Variants in EPHA4 observed in about 807,000 individuals in gnomAD.
EPHA4 encodes ephrin type-A receptor 4.
A neutral mutation model predicts 108.3 loss-of-function variants in EPHA4; 19 were observed. That is an observed-to-expected ratio of 0.18 (90% CI 0.12 to 0.26). EPHA4 has a LOEUF of 0.26. Among genes scored for constraint, EPHA4 ranks in the 10% least tolerant of loss-of-function variants. The probability of loss-of-function intolerance (pLI) is 1.00; values close to 1 mark genes in which losing one functional copy is unlikely to be tolerated. For synonymous variants in EPHA4, 449 were observed against 455.5 expected, an observed-to-expected ratio of 0.99 and a Z score of 0.18; for missense variants, 917 against 1,254.0, an observed-to-expected ratio of 0.73 and a Z score of 4.06.
intron 3 of EPHA4, among the ~76,000 whole-genome samples, chr2:221,558,769 A>G (rs1465610198): frequency 1.3e-5 from 2 of 152,194 alleles, no homozygotes; most frequent in African/African-American, 4.8e-5. Context: ...AAAAAAGTAT[A>G]TCAGAAAAAG....
chr2:221,557,900 A>T (rs2106204054), intron 3 of EPHA4, among the ~76,000 whole-genome samples: 1 of 152,364 alleles, frequency 6.6e-6, no homozygotes, highest in East Asian at 1.9e-4. Flanking sequence ...TAAAGGCAGA[A>T]AAATAGCAAA....
At chr2:221,454,743 A>G (rs1690890737) in intron 8 of EPHA4, among the ~76,000 whole-genome samples, 1 of 152,220 alleles carries the variant, frequency 6.6e-6, no homozygotes, top group South Asian at 2.1e-4. Context: ...AGACAAAAAC[A>G]GTAAGAAAAA....
chr2:221,553,252 A>C (rs889959394), intron 3 of EPHA4, among the ~76,000 whole-genome samples: 4 of 152,232 alleles, frequency 2.6e-5, no homozygotes, highest in Non-Finnish European at 2.9e-5. Flanking sequence ...TTTTCAGCTC[A>C]GGTATTTCTG....
Position 221,456,624 on chromosome 2 carries a change from G to A in EPHA4, c.1592C>T (p.Thr531Ile). Residue 531 changes from threonine to isoleucine, a missense_variant, in exon 7 of 18, where the codon ACA becomes ATA. Thr to Ile is a moderately conservative substitution (Grantham distance 89). Around this residue, in one of 3 missense-constraint regions of EPHA4, gnomAD observed 758 missense variants for 1,076.7 expected, o/e 0.70. Transcript: ENST00000281821. ...YGDFSEPLEV[T>I]TNTVPSRIIG... Reference sequence around the variant, plus strand: ...GTGGTCCTTGTTACCTGTGTTGGTTGTAACCTCCAAGGGCTCACTGAAGTC... The same window carrying A: ...GTGGTCCTTGTTACCTGTGTTGGTTATAACCTCCAAGGGCTCACTGAAGTC... 1 of 1,613,764 alleles carries A rather than the reference G, an allele frequency of 6.2e-7. No individual in the cohort carries two copies. The highest frequency in any genetic ancestry group is 8.5e-7 in the Non-Finnish European group (1 of 1,179,762).
chr2:221,475,663 A>G (rs1342300022), intron 5 of EPHA4, among the ~76,000 whole-genome samples: 1 of 152,186 alleles, frequency 6.6e-6, no homozygotes, highest in Non-Finnish European at 1.5e-5. Context: ...TCACGTGAAA[A>G]CACTCTTACA....
intron 5 of EPHA4, among the ~76,000 whole-genome samples, chr2:221,481,950 A>T (rs1196954669): frequency 6.6e-6 from 1 of 152,200 alleles, no homozygotes; most frequent in Non-Finnish European, 1.5e-5. Context: ...ACTGAGATGA[A>T]TCCCATCCAG....
intron 8 of EPHA4, among the ~76,000 whole-genome samples, chr2:221,450,235 C>A (rs964784663): frequency 6.6e-6 from 1 of 152,182 alleles, no homozygotes; most frequent in African/African-American, 2.4e-5. Context: ...ATGGTGAAAC[C>A]CCATCTCTAT....
chr2:221,431,953 A>C (rs1428581357), intron 14 of EPHA4, among the ~76,000 whole-genome samples: 1 of 152,150 alleles, frequency 6.6e-6, no homozygotes, highest in African/African-American at 2.4e-5. Flanking sequence ...CTATGCATCA[A>C]AGTAATTCCC....
chr2:221,435,458 G>A (rs1294458435), intron 13 of EPHA4, among the ~76,000 whole-genome samples: 2 of 152,078 alleles, frequency 1.3e-5, no homozygotes, highest in East Asian at 3.9e-4. Flanking sequence ...CAAAGAAATA[G>A]AATACTATAC....
chr2:221,455,755 G>T, intron 7 of EPHA4, 97 bp from the exon 8 acceptor site: 1 of 806,596 alleles, frequency 1.2e-6, no homozygotes, highest in Non-Finnish European at 2.1e-6. Flanking sequence ...AAGCCACTTG[G>T]AGAGAGAAAG....
chr2:221,435,988 G>A (rs962469340), intron 13 of EPHA4, among the ~76,000 whole-genome samples: 9 of 149,242 alleles, frequency 6.0e-5, no homozygotes, highest in African/African-American at 2.2e-4. Flanking sequence ...GCAAATACAA[G>A]TGCAAAAAAA....
intron 8 of EPHA4, among the ~76,000 whole-genome samples, chr2:221,450,589 C>G (rs145330193): frequency 6.6e-6 from 1 of 152,308 alleles, no homozygotes; most frequent in African/African-American, 2.4e-5. Flanking sequence ...TGATCAGCAA[C>G]TAACTCACCA....
At chr2:221,509,786 T>G (rs1205620755) in intron 3 of EPHA4, among the ~76,000 whole-genome samples, 1 of 152,202 alleles carries the variant, frequency 6.6e-6, no homozygotes, top group African/African-American at 2.4e-5. Flanking sequence ...AAGGTGATTT[T>G]CTGTCTGACA....
chr2:221,441,363 G>T (rs187526407), intron 11 of EPHA4, among the ~76,000 whole-genome samples: 93 of 151,758 alleles, frequency 6.1e-4, no homozygotes, highest in African/African-American at 2.1e-3. Flanking sequence ...CCCTGCAAAG[G>T]CCCCACCTTC....
At chr2:221,501,734 G>A (rs757729222) in intron 3 of EPHA4, among the ~76,000 whole-genome samples, 1 of 152,054 alleles carries the variant, frequency 6.6e-6, no homozygotes, top group African/African-American at 2.4e-5. Context: ...AAAAAAACCG[G>A]GTGGTGATTA....
chr2:221,452,452 C>A (rs1196498291), intron 8 of EPHA4, among the ~76,000 whole-genome samples: 2 of 152,246 alleles, frequency 1.3e-5, no homozygotes, highest in Non-Finnish European at 2.9e-5. Context: ...CTCTGTTCAC[C>A]TGTTCTTGTC....
At chr2:221,511,084 A>G (rs894064033) in intron 3 of EPHA4, among the ~76,000 whole-genome samples, 1 of 152,226 alleles carries the variant, frequency 6.6e-6, no homozygotes, top group African/African-American at 2.4e-5. Context: ...AACTGGTAAG[A>G]CAAGTGATAG....
chr2:221,457,566 T>G (rs1289557593), intron 6 of EPHA4, among the ~76,000 whole-genome samples: 1 of 152,240 alleles, frequency 6.6e-6, no homozygotes, highest in Non-Finnish European at 1.5e-5. Context: ...TACAATACAA[T>G]GTATTATCAT....
chr2:221,519,902 T>C (rs1301214770), intron 3 of EPHA4, among the ~76,000 whole-genome samples: 3 of 151,938 alleles, frequency 2.0e-5, no homozygotes, highest in Admixed American at 2.0e-4. Context: ...CAATGCAACC[T>C]AGAGTCCTAG....
Sources: allele counts gnomAD v4.1 joint callset (sites outside exome capture counted in the v4.1 genomes callset), GRCh38; gene constraint gnomAD v4.1.1; regional missense constraint gnomAD v4.1.1; transcripts MANE v1.5; gene names NCBI Gene and HGNC (gene_info 2026-07-23, HGNC 2026-07-21).